ADAMTSL1: variants seen among roughly 807,000 people sequenced by gnomAD.
ADAMTSL1 encodes the protein ADAMTS like 1.
ADAMTSL1 carries 126 observed loss-of-function variants against 201.8 expected under a neutral mutation model. That is an observed-to-expected ratio of 0.62 (90% confidence interval 0.54 to 0.72). ADAMTSL1 has a LOEUF of 0.72. Ranked by LOEUF, ADAMTSL1 falls within the 30% of genes least tolerant of loss-of-function variation. The pLI is 0.00. For synonymous variants in ADAMTSL1, 1,121 were observed against 903.4 expected, an observed-to-expected ratio of 1.24 and a Z score of -4.32; for missense variants, 2,679 against 2,277.8, an observed-to-expected ratio of 1.18 and a Z score of -3.59.
At chr9:18,495,615 A>T (rs2131878004) in intron 1 of ADAMTSL1, among the ~76,000 whole-genome samples, 1 of 152,356 alleles carries the variant, frequency 6.6e-6, no homozygotes, top group South Asian at 2.1e-4. Context: ...GCCTGTAGTT[A>T]CAGCTACAGG....
chr9:18,554,120 T>G (rs531041008), intron 3 of ADAMTSL1, among the ~76,000 whole-genome samples: 2 of 151,864 alleles, frequency 1.3e-5, no homozygotes, highest in South Asian at 2.1e-4. Context: ...TTATTCGACC[T>G]GAAAATTTAT....
chr9:18,635,738 G>C (rs566699074), intron 5 of ADAMTSL1, among the ~76,000 whole-genome samples: 1 of 152,072 alleles, frequency 6.6e-6, no homozygotes, highest in Non-Finnish European at 1.5e-5. Context: ...AAATCCTCTA[G>C]GAGTTAACTA....
intron 1 of ADAMTSL1, among the ~76,000 whole-genome samples, chr9:18,478,708 T>C (rs1295558924): frequency 6.6e-6 from 1 of 152,180 alleles, no homozygotes; most frequent in African/African-American, 2.4e-5. Context: ...AAGTGACCTC[T>C]TCGTAGCATA....
At chr9:18,798,279 C>G (rs906283185) in intron 20 of ADAMTSL1, among the ~76,000 whole-genome samples, 1 of 152,128 alleles carries the variant, frequency 6.6e-6, no homozygotes, top group African/African-American at 2.4e-5. Flanking sequence ...GCCTTAGGGT[C>G]TAGGTCTGTA....
intron 2 of ADAMTSL1, among the ~76,000 whole-genome samples, chr9:18,435,649 C>A (rs182879131): frequency 6.6e-6 from 1 of 152,242 alleles, no homozygotes; most frequent in East Asian, 1.9e-4. Flanking sequence ...GGACAGAGAG[C>A]AGAGGAATGT....
chr9:18,764,778 T>C (rs961364147), intron 16 of ADAMTSL1, among the ~76,000 whole-genome samples: 2 of 152,246 alleles, frequency 1.3e-5, no homozygotes, highest in African/African-American at 2.4e-5. Flanking sequence ...CTTCTTACCA[T>C]TGATAATATC....
At chr9:18,400,412 G>T (rs537776527) in intron 2 of ADAMTSL1, among the ~76,000 whole-genome samples, 4 of 152,204 alleles carry the variant, frequency 2.6e-5, no homozygotes, top group South Asian at 2.1e-4. Flanking sequence ...TATTTGTAAT[G>T]TCATATAAAT....
intron 4 of ADAMTSL1, among the ~76,000 whole-genome samples, chr9:18,607,736 C>T (rs566539617): frequency 1.3e-5 from 2 of 151,474 alleles, no homozygotes; most frequent in Non-Finnish European, 2.9e-5. Flanking sequence ...CCTACCCCCA[C>T]CCCACAACAG....
intron 1 of ADAMTSL1, among the ~76,000 whole-genome samples, chr9:18,158,891 T>C (rs984055481): frequency 1.3e-5 from 2 of 152,002 alleles, no homozygotes; most frequent in Non-Finnish European, 2.9e-5. Flanking sequence ...GGACTAGATT[T>C]GGGCTCTTCA....
chr9:18,194,748 C>T lies in ADAMTSL1; in HGVS notation c.207+30767C>T, dbSNP rs191968955. Among the ~76,000 whole-genome samples the T allele has an allele frequency of 5.0e-3, 762 of 152,138 alleles. 3 individuals are homozygous for T. The highest frequency in any genetic ancestry group is 8.1e-3 in the Admixed American group (124 of 15,254). On this transcript the variant is annotated intron_variant, in intron 2 of 29. Coordinates refer to the ADAMTSL1 transcript ENST00000680146. ...AAAATGGCAGAGGAGAAGCAGTGCT[C>T]CCCTGTCCTGCTTCTCTTCTTTTTC... is the stretch of plus-strand genomic sequence containing the variant.
At chr9:18,235,167 TTGGCTA>T (rs1830796536) in intron 2 of ADAMTSL1, among the ~76,000 whole-genome samples, 1 of 152,216 alleles carries the variant, frequency 6.6e-6, no homozygotes, top group Admixed American at 6.5e-5. Context: ...TAGGCTCCCC[TTGGCTA>T]GGACAGATTC....
intron 3 of ADAMTSL1, among the ~76,000 whole-genome samples, chr9:18,562,337 A>T (rs189187179): frequency 4.1e-4 from 63 of 152,182 alleles, no homozygotes; most frequent in African/African-American, 1.5e-3. Context: ...AGAATGTTGA[A>T]TATTGGCCCC....
At chr9:18,133,572 T>C (rs1826037009) in intron 1 of ADAMTSL1, among the ~76,000 whole-genome samples, 1 of 152,218 alleles carries the variant, frequency 6.6e-6, no homozygotes, top group South Asian at 2.1e-4. Flanking sequence ...AACTAACTGA[T>C]GTTCAGGCTG....
intron 2 of ADAMTSL1, among the ~76,000 whole-genome samples, chr9:18,248,441 G>A (rs1186189808): frequency 6.6e-6 from 1 of 152,002 alleles, no homozygotes; most frequent in South Asian, 2.1e-4. Context: ...CCATCCAGGG[G>A]CTAATTTCCA....
At chr9:18,160,143 G>A (rs1000831185) in intron 1 of ADAMTSL1, among the ~76,000 whole-genome samples, 5 of 151,864 alleles carry the variant, frequency 3.3e-5, no homozygotes, top group African/African-American at 9.7e-5. Context: ...CTGTATTCCC[G>A]GGTTGGTTCT....
chr9:17,923,562 G>A (rs1361248754), intron 1 of ADAMTSL1, among the ~76,000 whole-genome samples: 63 of 150,046 alleles, frequency 4.2e-4, no homozygotes, highest in African/African-American at 9.8e-4. Context: ...CAATCATGTC[G>A]TCTGCAAACA....
At chr9:18,896,432 G>T (rs1029910883) in intron 26 of ADAMTSL1, among the ~76,000 whole-genome samples, 9 of 152,302 alleles carry the variant, frequency 5.9e-5, no homozygotes, top group South Asian at 2.1e-4. Context: ...CAGAAAGAGG[G>T]GGAGGGGCCA....
intron 2 of ADAMTSL1, among the ~76,000 whole-genome samples, chr9:18,244,355 C>T (rs919858348): frequency 3.3e-5 from 5 of 152,052 alleles, no homozygotes; most frequent in African/African-American, 7.2e-5. Flanking sequence ...TCTGAAAGCA[C>T]AGTTCTGATG....
intron 2 of ADAMTSL1, among the ~76,000 whole-genome samples, chr9:18,263,253 C>G (rs1831990800): frequency 6.6e-6 from 1 of 152,196 alleles, no homozygotes; most frequent in Non-Finnish European, 1.5e-5. Context: ...GATTTAATGG[C>G]TACTTCTCAG....
Sources: allele counts gnomAD v4.1 joint callset (sites outside exome capture counted in the v4.1 genomes callset), GRCh38; gene constraint gnomAD v4.1.1; transcripts MANE v1.5; gene names NCBI Gene and HGNC (gene_info 2026-07-23, HGNC 2026-07-21).